LUZP2: variants seen among roughly 807,000 people sequenced by gnomAD.
LUZP2 encodes the protein leucine zipper protein 2.
In LUZP2, 52 loss-of-function variants were observed where a neutral mutation model predicts 51.6. The ratio of observed to expected loss-of-function variants is 1.01; its 90% CI spans 0.81 to 1.27. LUZP2 has a LOEUF of 1.27. LUZP2 is among the 50% of genes most tolerant of loss of function. The probability of loss-of-function intolerance (pLI) is 0.00; values close to 1 mark genes in which losing one functional copy is unlikely to be tolerated. For synonymous variants in LUZP2, 154 were observed against 137.3 expected, an observed-to-expected ratio of 1.12 and a Z score of -0.85; for missense variants, 436 against 395.4, an observed-to-expected ratio of 1.10 and a Z score of -0.87.
intron 7 of LUZP2, among the ~76,000 whole-genome samples, chr11:24,938,556 A>T (rs1016964947): frequency 2.8e-5 from 4 of 143,300 alleles, no homozygotes; most frequent in African/African-American, 1.0e-4. Context: ...CTAAAATAAT[A>T]TTGAAAATAG....
chr11:24,820,739 T>C (rs1479855924), intron 5 of LUZP2, among the ~76,000 whole-genome samples: 1 of 152,128 alleles, frequency 6.6e-6, no homozygotes, highest in Non-Finnish European at 1.5e-5. Flanking sequence ...ATTTGGGTGT[T>C]ACGGTGTTAT....
At chr11:24,961,895 C>T (rs1390223070) in intron 7 of LUZP2, among the ~76,000 whole-genome samples, 2 of 151,596 alleles carry the variant, frequency 1.3e-5, no homozygotes, top group African/African-American at 4.9e-5. Context: ...CCGGTTGTTC[C>T]TTTCCATGTT....
At chr11:24,746,755 CT>C in intron 4 of LUZP2, among the ~76,000 whole-genome samples, 1 of 152,192 alleles carries the variant, frequency 6.6e-6, no homozygotes, top group Admixed American at 6.5e-5. Flanking sequence ...TTTTCTTATT[CT>C]TTTTTTCTTT....
At chr11:24,538,616 T>C (rs2133840671) in intron 1 of LUZP2, among the ~76,000 whole-genome samples, 1 of 149,762 alleles carries the variant, frequency 6.7e-6, no homozygotes, top group African/African-American at 2.4e-5. Flanking sequence ...TTCTACAAAA[T>C]ACACACATAT....
chr11:24,539,080 G>T (rs1564978073), intron 1 of LUZP2, among the ~76,000 whole-genome samples: 1 of 151,890 alleles, frequency 6.6e-6, no homozygotes, highest in South Asian at 2.1e-4. Flanking sequence ...TTGTGAGGAG[G>T]AAATATTTCA....
intron 5 of LUZP2, among the ~76,000 whole-genome samples, chr11:24,857,799 T>A (rs934635849): frequency 5.9e-5 from 9 of 152,020 alleles, no homozygotes; most frequent in Non-Finnish European, 1.2e-4. Context: ...ACCCCTGAAC[T>A]ATAAGTATGA....
At chr11:24,753,274 C>CT (rs1859658823) in intron 4 of LUZP2, among the ~76,000 whole-genome samples, 1 of 152,066 alleles carries the variant, frequency 6.6e-6, no homozygotes, top group Non-Finnish European at 1.5e-5. Context: ...GAAGAGATGA[C>CT]TAAGGCGAGA....
chr11:24,658,465 A>C (rs1488119012), intron 1 of LUZP2, among the ~76,000 whole-genome samples: 4 of 152,220 alleles, frequency 2.6e-5, no homozygotes, highest in Non-Finnish European at 5.9e-5. Flanking sequence ...CTAAAACCAT[A>C]AAAACCCTAG....
chr11:24,553,294 C>T (rs1230506532), intron 1 of LUZP2, among the ~76,000 whole-genome samples: 3 of 151,848 alleles, frequency 2.0e-5, no homozygotes, highest in South Asian at 2.1e-4. Context: ...AGACAAATAA[C>T]ACCGAATTCC....
chr11:24,569,130 A>T (rs1221567755), intron 1 of LUZP2, among the ~76,000 whole-genome samples: 1 of 152,118 alleles, frequency 6.6e-6, no homozygotes, highest in Non-Finnish European at 1.5e-5. Flanking sequence ...TTGGGTTAAA[A>T]TATTCAACCT....
At chr11:25,039,835 G>A (rs557864435) in intron 9 of LUZP2, among the ~76,000 whole-genome samples, 5 of 152,290 alleles carry the variant, frequency 3.3e-5, no homozygotes, top group Admixed American at 1.3e-4. Context: ...GAGAGAGGCA[G>A]GTAGAGCAAG....
chr11:24,999,249 C>A (rs562374485), intron 9 of LUZP2, among the ~76,000 whole-genome samples: 173 of 151,924 alleles, frequency 1.1e-3, no homozygotes, highest in Non-Finnish European at 2.0e-3. Flanking sequence ...CTTCTAAAAA[C>A]CAGCAGAAAT....
chr11:24,662,558 C>G (rs1856057655), intron 1 of LUZP2, among the ~76,000 whole-genome samples: 1 of 151,810 alleles, frequency 6.6e-6, no homozygotes, highest in African/African-American at 2.4e-5. Flanking sequence ...TGAAGAAAAA[C>G]AGAGAAAAAC....
At chr11:24,709,978 C>A (rs1704351497) in intron 1 of LUZP2, among the ~76,000 whole-genome samples, 1 of 152,146 alleles carries the variant, frequency 6.6e-6, no homozygotes, top group African/African-American at 2.4e-5. Context: ...ATTCAATCCT[C>A]CTGTTATATG....
At chr11:24,707,103 AAAGT>A (rs1156310957) in intron 1 of LUZP2, among the ~76,000 whole-genome samples, 1 of 152,106 alleles carries the variant, frequency 6.6e-6, no homozygotes, top group African/African-American at 2.4e-5. Flanking sequence ...CCATTTTACT[AAAGT>A]ATGTACAACA....
chr11:24,661,715 G>A (rs1331713540), intron 1 of LUZP2, among the ~76,000 whole-genome samples: 2 of 152,116 alleles, frequency 1.3e-5, no homozygotes, highest in African/African-American at 4.8e-5. Flanking sequence ...TTGGGATTTA[G>A]CCATAACATT....
chr11:24,869,488 C>A (rs1486718), intron 5 of LUZP2, among the ~76,000 whole-genome samples: 5 of 152,074 alleles, frequency 3.3e-5, no homozygotes, highest in South Asian at 4.2e-4. Context: ...ATGGAGTCTC[C>A]CTCTGTCGCC....
At chr11:24,507,064 C>T (rs973691672) in intron 1 of LUZP2, among the ~76,000 whole-genome samples, 8 of 151,910 alleles carry the variant, frequency 5.3e-5, no homozygotes, top group African/African-American at 1.4e-4. Context: ...CCAAATAAAG[C>T]CTTTATTATA....
At chr11:24,839,088 G>A (rs948725229) in intron 5 of LUZP2, among the ~76,000 whole-genome samples, 38 of 151,546 alleles carry the variant, frequency 2.5e-4, no homozygotes, top group Non-Finnish European at 4.4e-5. Context: ...AAAGTTGTAG[G>A]TTGTATACTC....
Sources: allele counts gnomAD v4.1 joint callset (sites outside exome capture counted in the v4.1 genomes callset), GRCh38; gene constraint gnomAD v4.1.1; transcripts MANE v1.5; gene names NCBI Gene and HGNC (gene_info 2026-07-23, HGNC 2026-07-21).